Variants in THEMIS observed in about 807,000 individuals in gnomAD.
THEMIS encodes protein THEMIS.
In THEMIS, 37 loss-of-function variants were observed where a neutral mutation model predicts 52.6. The observed-to-expected ratio is 0.70, with a 90% CI of 0.54 to 0.93. The LOEUF is 0.93. Among genes scored for constraint, THEMIS ranks in the 40% least tolerant of loss-of-function variants. The pLI, the probability that THEMIS is intolerant of heterozygous loss-of-function variation, is 0.00. For missense variants in THEMIS, 808 were observed against 763.1 expected, an observed-to-expected ratio of 1.06 and a Z score of -0.69; for synonymous variants, 292 against 272.7, an observed-to-expected ratio of 1.07 and a Z score of -0.70.
chr6:127,721,650 A>G (rs2114490541), intron 4 of THEMIS, among the ~76,000 whole-genome samples: 1 of 152,152 alleles, frequency 6.6e-6, no homozygotes, highest in Middle Eastern at 3.4e-3. Flanking sequence ...TCCACAGTCC[A>G]CAAAAATATA....
At chr6:127,807,999 T>C (rs1777776642) in intron 4 of THEMIS, among the ~76,000 whole-genome samples, 1 of 152,186 alleles carries the variant, frequency 6.6e-6, no homozygotes, top group African/African-American at 2.4e-5. Context: ...CAGGATTTTT[T>C]TCTGCTCATT....
the THEMIS span, among the ~76,000 whole-genome samples, chr6:127,702,263 A>G: frequency 1.8e-3 from 279 of 152,296 alleles, 1 homozygote; most frequent in African/African-American, 6.3e-3. Context: ...ATTGATGTCC[A>G]AGTCCTATTT....
chr6:127,892,958 T>C (rs1006005626), intron 1 of THEMIS, among the ~76,000 whole-genome samples: 3 of 152,180 alleles, frequency 2.0e-5, no homozygotes, highest in Non-Finnish European at 4.4e-5. Context: ...ATATTCACTT[T>C]TGTTTATTGT....
At chr6:127,721,629 T>C (rs1774365380) in intron 4 of THEMIS, among the ~76,000 whole-genome samples, 1 of 152,040 alleles carries the variant, frequency 6.6e-6, no homozygotes, top group Admixed American at 6.6e-5. Flanking sequence ...CACTTGTTTA[T>C]TTTTAGCTCC....
At chr6:127,901,464 T>G (rs1781132571), upstream of THEMIS, among the ~76,000 whole-genome samples, 1 of 152,140 alleles carries the variant, frequency 6.6e-6, no homozygotes, top group Admixed American at 6.6e-5. Context: ...TTAAAATTGG[T>G]AATAAAAGTG....
chr6:127,900,806 A>G, intron 1 of THEMIS, 36 bp downstream of exon 1: 1 of 1,563,998 alleles, frequency 6.4e-7, no homozygotes. Flanking sequence ...CTTTACAAGA[A>G]TGTTCTAGCC....
At chr6:127,779,310 C>T (rs919628631) in intron 4 of THEMIS, among the ~76,000 whole-genome samples, 1 of 152,116 alleles carries the variant, frequency 6.6e-6, no homozygotes, top group Non-Finnish European at 1.5e-5. Flanking sequence ...CAGACACCTT[C>T]CCTTTAACAT....
At chr6:127,798,292 T>C (rs1777399355) in intron 4 of THEMIS, among the ~76,000 whole-genome samples, 1 of 152,230 alleles carries the variant, frequency 6.6e-6, no homozygotes, top group African/African-American at 2.4e-5. Context: ...AAAGTTGTGA[T>C]ATTAGTTCAA....
chr6:127,803,434 G>A (rs1436456461), intron 4 of THEMIS, among the ~76,000 whole-genome samples: 1 of 151,824 alleles, frequency 6.6e-6, no homozygotes, highest in East Asian at 1.9e-4. Context: ...TATTATTAAA[G>A]TGTTCATTAT....
chr6:127,782,792 T>A (rs1306144764), intron 4 of THEMIS, among the ~76,000 whole-genome samples: 6 of 152,096 alleles, frequency 3.9e-5, no homozygotes, highest in Admixed American at 2.0e-4. Context: ...AGAATCAATA[T>A]CGTAAAAATG....
Position 127,788,710 on chromosome 6 carries a change from G to A in THEMIS, c.1758+24173C>T, listed in dbSNP as rs79328278. Among the ~76,000 whole-genome samples, 577 of 152,118 alleles carry A rather than the reference G, an allele frequency of 3.8e-3. 12 individuals carry two copies. The East Asian group carries it at 0.044, about 12-fold the overall frequency. ...GATTATTTCTTTCATCATTAAAGAG[G>A]CAATACATTATTACAGTGTATAAAT... is the stretch of plus-strand genomic sequence containing the variant. On this transcript the variant is annotated intron_variant, in intron 4 of 5. Coordinates refer to ENST00000368248, the MANE Select transcript of THEMIS (RefSeq NM_001010923.3).
At chr6:127,751,414 CAAAG>C (rs1348550844) in intron 4 of THEMIS, among the ~76,000 whole-genome samples, 2 of 151,552 alleles carry the variant, frequency 1.3e-5, no homozygotes, top group African/African-American at 4.8e-5. Context: ...TAATCAATCA[CAAAG>C]AAAGGCAGAT....
At chr6:127,719,536 T>C (rs1774288750) in intron 5 of THEMIS, 152 bp downstream of exon 5, 1 of 602,772 alleles carries the variant, frequency 1.7e-6, no homozygotes, top group East Asian at 3.0e-5. Context: ...TTCACATAAA[T>C]CTTCATTTCA....
At chr6:127,783,804 CA>C (rs1776830377) in intron 4 of THEMIS, among the ~76,000 whole-genome samples, 1 of 152,160 alleles carries the variant, frequency 6.6e-6, no homozygotes, top group South Asian at 2.1e-4. Flanking sequence ...TAAATTAGTT[CA>C]ACCATTGTGG....
At chr6:127,845,441 G>A (rs921641798) in intron 2 of THEMIS, among the ~76,000 whole-genome samples, 1 of 151,816 alleles carries the variant, frequency 6.6e-6, no homozygotes, top group Non-Finnish European at 1.5e-5. Context: ...CAAACTTTGT[G>A]GCACTTTAAC....
intron 1 of THEMIS, among the ~76,000 whole-genome samples, chr6:127,915,110 AC>A (rs1464435425): frequency 1.3e-5 from 2 of 152,132 alleles, no homozygotes; most frequent in Non-Finnish European, 2.9e-5. Context: ...TAGGAAATTT[AC>A]TTTTAGAAGA....
intron 4 of THEMIS, among the ~76,000 whole-genome samples, chr6:127,773,019 T>G (rs1022146681): frequency 6.6e-6 from 1 of 152,172 alleles, no homozygotes; most frequent in African/African-American, 2.4e-5. Context: ...TCTGTACGCA[T>G]GTAAAGATAT....
intron 4 of THEMIS, among the ~76,000 whole-genome samples, chr6:127,760,602 T>C (rs1775988390): frequency 6.6e-6 from 1 of 151,996 alleles, no homozygotes; most frequent in South Asian, 2.1e-4. Context: ...CAGGGAAACA[T>C]AGCAATACTC....
At chr6:127,858,760 C>T (rs2114319469) in intron 1 of THEMIS, among the ~76,000 whole-genome samples, 2 of 152,148 alleles carry the variant, frequency 1.3e-5, no homozygotes, top group South Asian at 4.1e-4. Context: ...ATAAGCAAAT[C>T]TCGAATCTAT....
Sources: allele counts gnomAD v4.1 joint callset (sites outside exome capture counted in the v4.1 genomes callset), GRCh38; gene constraint gnomAD v4.1.1; transcripts MANE v1.5; gene names NCBI Gene and HGNC (gene_info 2026-07-23, HGNC 2026-07-21).